The following COG5 variants were observed in gnomAD, a reference collection of about 807,000 sequenced individuals.
The protein encoded by COG5 is conserved oligomeric Golgi complex subunit 5.
COG5 carries 86 observed loss-of-function variants against 110.4 expected under a neutral mutation model. The ratio of observed to expected loss-of-function variants is 0.78; its 90% CI spans 0.65 to 0.93. The LOEUF (loss-of-function observed/expected upper bound fraction) is 0.93. COG5 is among the 40% of genes least tolerant of loss of function. The pLI is 0.00. For missense variants in COG5, 1,077 were observed against 987.0 expected, an observed-to-expected ratio of 1.09 and a Z score of -1.22; for synonymous variants, 360 against 334.6, an observed-to-expected ratio of 1.08 and a Z score of -0.83.
intron 7 of COG5, among the ~76,000 whole-genome samples, chr7:107,405,224 T>C: frequency 6.6e-6 from 1 of 152,170 alleles, no homozygotes; most frequent in Non-Finnish European, 1.5e-5. Flanking sequence ...GATAATTATA[T>C]CTTCTTCACA....
At chr7:107,541,230 C>G (rs1392885584) in intron 5 of COG5, among the ~76,000 whole-genome samples, 2 of 151,266 alleles carry the variant, frequency 1.3e-5, no homozygotes, top group Admixed American at 6.6e-5. Context: ...GACACAGTGG[C>G]TCATACTTGT....
intron 10 of COG5, among the ~76,000 whole-genome samples, chr7:107,361,261 C>T (rs1400164915): frequency 1.3e-5 from 2 of 151,984 alleles, no homozygotes; most frequent in African/African-American, 4.8e-5. Context: ...TTCTTATGGC[C>T]CATGAGGCTA....
chr7:107,205,967 T>A (rs7789678), intron 21 of COG5, among the ~76,000 whole-genome samples: 24,794 of 151,538 alleles, frequency 0.16, 2,387 homozygotes, highest in Non-Finnish European at 0.22. Context: ...TTTTTTTTTT[T>A]TTTATTTTTT....
intron 6 of COG5, among the ~76,000 whole-genome samples, chr7:107,448,017 G>A (rs564710993): frequency 1.1e-4 from 17 of 152,182 alleles, no homozygotes; most frequent in African/African-American, 3.4e-4. Context: ...TTAGTTGGGC[G>A]TGGTGGCACA....
In COG5 at chr7:107,485,376, A is replaced by G. The variant is rs551309766; in HGVS notation, c.538+41861T>C. On this transcript the variant is annotated intron_variant, in intron 6 of 21. Coordinates refer to ENST00000297135, the MANE Select transcript of COG5 (RefSeq NM_006348.5). ...ACAATAAGAGCTAACTGTGTTCTGA[A>G]CTACATGATAAAAGACACTACACAA... Among the ~76,000 whole-genome samples the G allele has an allele frequency of 3.3e-5, 5 of 152,354 alleles. No homozygotes were observed. The South Asian group carries it at 1.0e-3, about 32-fold the overall frequency.
intron 14 of COG5, among the ~76,000 whole-genome samples, chr7:107,267,927 C>A (rs1344013378): frequency 6.6e-6 from 1 of 152,150 alleles, no homozygotes; most frequent in African/African-American, 2.4e-5. Context: ...GTAATTAAAT[C>A]TATAATCTTA....
rs182683566 is a variant in COG5, at chr7:107,316,834, A to G, written c.1108+7606T>C. Among the ~76,000 whole-genome samples the G allele has an allele frequency of 1.7e-3, 248 of 146,912 alleles. 1 individual carries two copies. Among genetic ancestry groups the G allele is most frequent in the African/African-American group, 6.3e-3 (234 of 37,062 alleles). On this transcript the variant is annotated intron_variant, in intron 11 of 21. Transcript: ENST00000297135. Reference sequence around the variant, plus strand: ...GGACACAGTGAGACTCTGTCTCAGGAAAAAAAAAGAAAGAAAAGCAGATAA... The same window carrying G: ...GGACACAGTGAGACTCTGTCTCAGGGAAAAAAAAGAAAGAAAAGCAGATAA...
At chr7:107,255,828 CTTAG>C (rs1802841046) in intron 16 of COG5, among the ~76,000 whole-genome samples, 1 of 151,986 alleles carries the variant, frequency 6.6e-6, no homozygotes, top group Admixed American at 6.6e-5. Flanking sequence ...GCTTTATGGC[CTTAG>C]TTACTTACTC....
At chr7:107,409,904 A>C (rs1355771971) in intron 7 of COG5, among the ~76,000 whole-genome samples, 1 of 152,212 alleles carries the variant, frequency 6.6e-6, no homozygotes, top group East Asian at 1.9e-4. Context: ...ATCTGAAACA[A>C]CCATCTGTGA....
At chr7:107,531,090 T>C (rs549241928) in intron 5 of COG5, among the ~76,000 whole-genome samples, 1 of 152,304 alleles carries the variant, frequency 6.6e-6, no homozygotes, top group South Asian at 2.1e-4. Context: ...GTGCTATGGT[T>C]TAATTTTTCT....
intron 10 of COG5, among the ~76,000 whole-genome samples, chr7:107,350,439 A>AT (rs1322555400): frequency 6.6e-6 from 1 of 151,938 alleles, no homozygotes; most frequent in African/African-American, 2.4e-5. Flanking sequence ...TTGTTTCTCA[A>AT]TTTTTTATTC....
intron 14 of COG5, among the ~76,000 whole-genome samples, chr7:107,275,646 C>A (rs1804646001): frequency 6.6e-6 from 1 of 151,982 alleles, no homozygotes; most frequent in Non-Finnish European, 1.5e-5. Context: ...ACCTCCGCCT[C>A]CTGGGTTCAT....
At chr7:107,315,097 G>A (rs1808610801) in intron 11 of COG5, among the ~76,000 whole-genome samples, 1 of 150,854 alleles carries the variant, frequency 6.6e-6, no homozygotes, top group Non-Finnish European at 1.5e-5. Context: ...TACATATTAA[G>A]GTAGACATTA....
Position 107,203,530 on chromosome 7 carries a change from A to ACATAT in COG5, c.2475_2476insATATG (p.Ser826IlefsTer19), listed in dbSNP as rs1798513685. 1 of 1,611,832 alleles carries ACATAT rather than the reference A, an allele frequency of 6.2e-7. No homozygotes were observed. The highest frequency in any genetic ancestry group is 1.3e-5 in the African/African-American group (1 of 74,884). On this transcript the variant is annotated frameshift_variant, in exon 22 of 22. Transcript: ENST00000297135. LOFTEE classifies it high-confidence loss of function. ...ATTTCATGTCATTACTGAAGAGCAG[A>ACATAT]CATAGCCTTTTGAAGCAGCTGAACC... is the stretch of plus-strand genomic sequence containing the variant.
intron 8 of COG5, among the ~76,000 whole-genome samples, chr7:107,363,095 A>G (rs777043647): frequency 2.6e-5 from 4 of 152,176 alleles, no homozygotes; most frequent in Non-Finnish European, 5.9e-5. Flanking sequence ...TAAGGTTCTC[A>G]GTGTAAACAG....
At chr7:107,541,523 A>AAATATATATATAT (rs60423657) in intron 5 of COG5, among the ~76,000 whole-genome samples, 26 of 57,008 alleles carry the variant, frequency 4.6e-4, no homozygotes, top group African/African-American at 1.4e-3. Context: ...AAAAAAAAAA[A>AAATATATATATAT]ATATATATAT....
Position 107,201,393 on chromosome 7 carries a change from A to G in COG5, c.*2123T>C. 6.6e-7 allele frequency: 1 copy of G among 1,520,200 alleles called. No homozygotes were observed. Among genetic ancestry groups the G allele is most frequent in the Non-Finnish European group, 9.1e-7 (1 of 1,096,688 alleles). 94.2% of individuals were successfully genotyped at this position (1,520,200 alleles called of 1,614,324 possible). ...TGTATTGATTTGTAAACATTCACTGAGTTTAATTTTATTTCCACAGGGCTC... is the reference window on the plus strand; with the variant it reads ...TGTATTGATTTGTAAACATTCACTGGGTTTAATTTTATTTCCACAGGGCTC... On this transcript the variant is annotated 3_prime_UTR_variant, in exon 22 of 22. Transcript: ENST00000297135.
At position 107,507,955 on chromosome 7, in the gene COG5, C is replaced by T. The variant is rs149128940; in HGVS notation, c.538+19282G>A. Among the ~76,000 whole-genome samples, 847 of 152,296 alleles carry T rather than the reference C, an allele frequency of 5.6e-3. 8 individuals carry two copies. The highest frequency in any genetic ancestry group is 0.02 in the African/African-American group (813 of 41,560). The stretch of plus-strand genomic sequence containing the variant: ...CAGGAACAGCTCCCAGCGTGAGCGA[C>T]GCAGAAGACGGGTGATTTCTGCATT... On this transcript the variant is annotated intron_variant, in intron 6 of 21. Coordinates refer to ENST00000297135, the MANE Select transcript of COG5 (RefSeq NM_006348.5).
chr7:107,416,795 T>C (rs200387597), intron 6 of COG5, among the ~76,000 whole-genome samples: 2 of 152,156 alleles, frequency 1.3e-5, no homozygotes, highest in African/African-American at 2.4e-5. Context: ...TGGGACGTTA[T>C]AGGAAAAGCA....
Sources: gnomAD v4.1 joint callset for allele counts (sites outside exome capture counted in the v4.1 genomes callset) on GRCh38, gnomAD v4.1.1 for gene constraint, MANE v1.5 for transcripts, NCBI Gene and HGNC (gene_info 2026-07-23, HGNC 2026-07-21) for gene names.